CCDC110: variants seen among roughly 807,000 people sequenced by gnomAD.
The protein encoded by CCDC110 is coiled-coil domain containing 110.
Under a neutral mutation model 77.1 loss-of-function variants are expected in CCDC110, and 70 were observed. The observed-to-expected ratio is 0.91, with a 90% CI of 0.75 to 1.11. The LOEUF (loss-of-function observed/expected upper bound fraction) is 1.11. Ranked by LOEUF, CCDC110 falls within the 50% of genes least tolerant of loss-of-function variation. CCDC110 has a pLI of 0.00. For synonymous variants in CCDC110, 295 were observed against 312.5 expected (o/e 0.94, Z 0.59); for missense variants, 868 against 942.9 (o/e 0.92, Z 1.04).
chr4:185,459,304 A>T lies in CCDC110; in HGVS notation c.1283T>A (p.Ile428Asn). The change falls in exon 6 of 7, where the codon ATT (isoleucine) becomes AAT (asparagine). Residue 428 changes from isoleucine (I) to asparagine (N), a missense_variant. Ile to Asn is a moderately radical substitution (Grantham distance 149). Coordinates refer to ENST00000307588, the MANE Select transcript of CCDC110 (RefSeq NM_152775.4). ...TTTTAGGTAATTCTGTAAGTACTGA[A>T]TTTTTGCAACACACTGCTCAGTAAC... is the stretch of plus-strand genomic sequence containing the variant. ...NSVTEQCVAK[I>N]QYLQNYLKES... The T allele has an allele frequency of 6.2e-7, 1 of 1,613,060 alleles. No individual in the cohort carries two copies. The highest frequency in any genetic ancestry group is 8.5e-7 in the Non-Finnish European group (1 of 1,179,404).
intron 1 of CCDC110, 137 bp from the exon 2 acceptor site, chr4:185,471,186 CTGAAGG>C: frequency 6.3e-5 from 1 of 15,848 alleles, no homozygotes. Flanking sequence ...GGGGGCGGGG[CTGAAGG>C]CTGGGGCGGG....
chr4:185,449,729 T>C, intron 6 of CCDC110: 1 of 927,162 alleles, frequency 1.1e-6, no homozygotes, highest in East Asian at 2.9e-5. Flanking sequence ...TATAAGATGT[T>C]ATGGAGCAGA....
chr4:185,459,677 T>A lies in CCDC110; in HGVS notation c.910A>T (p.Asn304Tyr). Reference sequence around the variant, plus strand: ...ATTCTCTTTGATTTTATATCTTCATTTAAGTTACCGTCCAAGTTTTCTTCC... The same window carrying A: ...ATTCTCTTTGATTTTATATCTTCATATAAGTTACCGTCCAAGTTTTCTTCC... The part of the protein sequence containing the change: ...IKEENLDGNL[N>Y]EDIKSKRISE... The change falls in exon 6 of 7, where the codon AAT becomes TAT. Residue 304 changes from asparagine to tyrosine, a missense_variant. Coordinates refer to ENST00000307588, the MANE Select transcript of CCDC110 (RefSeq NM_152775.4). 1 of 1,612,198 alleles carries A rather than the reference T, an allele frequency of 6.2e-7. No homozygotes were observed.
At chr4:185,455,712 G>A (rs1015849381) in intron 6 of CCDC110, among the ~76,000 whole-genome samples, 11 of 151,942 alleles carry the variant, frequency 7.2e-5, no homozygotes, top group African/African-American at 2.2e-4. Context: ...GTGAAACCCC[G>A]TCTTTACTAA....
chr4:185,467,916 G>A (rs1561170875), intron 2 of CCDC110, among the ~76,000 whole-genome samples: 1 of 152,274 alleles, frequency 6.6e-6, no homozygotes, highest in East Asian at 1.9e-4. Flanking sequence ...CTACAGGCAT[G>A]TGCCAGCACA....
chr4:185,460,816 G>T (rs1037500258), intron 5 of CCDC110: 14 of 421,750 alleles, frequency 3.3e-5, no homozygotes, highest in Non-Finnish European at 5.5e-5. Context: ...AATCTTTCAC[G>T]ATCTGGACTA....
intron 1 of CCDC110, 172 bp downstream of exon 1, chr4:185,471,502 G>C (rs1308620529): frequency 3.1e-6 from 2 of 647,254 alleles, no homozygotes; most frequent in Non-Finnish European, 5.0e-6. Context: ...GCGGACGCAG[G>C]GGGCCGCAGC....
chr4:185,452,158 A>G lies in CCDC110; in HGVS notation c.2461+5968T>C, dbSNP rs564416738. The stretch of plus-strand genomic sequence containing the variant: ...TTCTTTTAACTTTGAAAATGTAACA[A>G]TACAAAACAGTTTTATTCCTCAGAC... On this transcript the variant is annotated intron_variant, in intron 6 of 6. Coordinates refer to ENST00000307588, the MANE Select transcript of CCDC110 (RefSeq NM_152775.4). 7.2e-6 allele frequency: 7 copies of G among 975,884 alleles called. No homozygotes were observed. In the African/African-American group the frequency reaches 1.1e-4, roughly 15 times the overall value. 60.5% of individuals were successfully genotyped at this position (975,884 alleles called of 1,614,324 possible).
Position 185,468,410 on chromosome 4 carries a change from C to A in CCDC110, c.115+2535G>T, listed in dbSNP as rs535883346. Among the ~76,000 whole-genome samples the A allele has an allele frequency of 1.3e-5, 2 of 152,142 alleles. No homozygotes were observed. The highest frequency in any genetic ancestry group is 4.8e-5 in the African/African-American group (2 of 41,422). On this transcript the variant is annotated intron_variant, in intron 2 of 6. Transcript: ENST00000307588. The surrounding 1 kb of genome is among the most constrained non-coding windows in gnomAD (Gnocchi z 4.5). ...GTAAATTCAAAATTTCTAGTCAAGACGGAGGGGAGAGAAGCCTTCTCAAAA... is the reference window on the plus strand; with the variant it reads ...GTAAATTCAAAATTTCTAGTCAAGAAGGAGGGGAGAGAAGCCTTCTCAAAA...
Position 185,470,943 on chromosome 4 carries a change from A to T in CCDC110, c.115+2T>A. 1 of 1,603,324 alleles carries T rather than the reference A, an allele frequency of 6.2e-7. No individual in the cohort carries two copies. Among genetic ancestry groups the T allele is most frequent in the Non-Finnish European group, 8.5e-7 (1 of 1,171,590 alleles). On this transcript the variant is annotated splice_donor_variant, in intron 2 of 6. Transcript: ENST00000307588. LOFTEE classifies it high-confidence loss of function. ...GAGCCTTTTACGGTCTGGCGATTTT[A>T]CCTGTGTCACTGCAGCCACTTTCCT...
rs2153320385 is a variant in CCDC110 at position 185,458,319 on chromosome 4, T to G, written c.2268A>C (p.Glu756Asp). The G allele has an allele frequency of 6.3e-7, 1 of 1,592,494 alleles. No homozygotes were observed. The highest frequency in any genetic ancestry group is 2.2e-5 in the East Asian group (1 of 44,564). Residue 756 changes from glutamate (E) to aspartate (D), a missense_variant, in exon 6 of 7, where the codon GAA becomes GAC. By Grantham distance (45) the Glu-to-Asp change is conservative. Transcript: ENST00000307588. Reference sequence around the variant, plus strand: ...GCATCTCAAATTCCAAGGTATCCCTTTCATTTTCTATGCTTCTTACGTAAT... The same window carrying G: ...GCATCTCAAATTCCAAGGTATCCCTGTCATTTTCTATGCTTCTTACGTAAT... ...LENYVRSIEN[E>D]RDTLEFEMRH...
At chr4:185,453,784 G>A (rs904825758) in intron 6 of CCDC110, among the ~76,000 whole-genome samples, 1 of 150,200 alleles carries the variant, frequency 6.7e-6, no homozygotes, top group East Asian at 2.0e-4. Context: ...AGGCTCAAAC[G>A]ATCCTCCCAC....
chr4:185,466,444 C>T (rs931642166), intron 2 of CCDC110, among the ~76,000 whole-genome samples: 5 of 152,176 alleles, frequency 3.3e-5, no homozygotes, highest in African/African-American at 4.8e-5. Flanking sequence ...CATAGAAGCC[C>T]GAACGAAGTG....
Position 185,459,771 on chromosome 4 carries a change from A to T in CCDC110, c.816T>A (p.Asp272Glu). 1 of 1,613,712 alleles carries T rather than the reference A, an allele frequency of 6.2e-7. No individual in the cohort carries two copies. The highest frequency in any genetic ancestry group is 8.5e-7 in the Non-Finnish European group (1 of 1,179,910). ...LTNELQTLQTDPDVHRNGKYD... is the reference protein window; with the variant it reads ...LTNELQTLQTEPDVHRNGKYD... The stretch of plus-strand genomic sequence containing the variant: ...ATTTACCATTCCTGTGAACATCTGG[A>T]TCAGTTTGTAAAGTCTGAAGTTCAT... The change falls in exon 6 of 7, where the codon GAT becomes GAA. Residue 272 changes from aspartate to glutamate, a missense_variant. Asp to Glu is a conservative substitution (Grantham distance 45). Coordinates refer to ENST00000307588, the MANE Select transcript of CCDC110 (RefSeq NM_152775.4).
At chr4:185,463,146 G>T in intron 2 of CCDC110, 97 bp from the exon 3 acceptor site, 1 of 828,908 alleles carries the variant, frequency 1.2e-6, no homozygotes, top group Non-Finnish European at 2.0e-6. Flanking sequence ...CTTGGATAGT[G>T]AGGCAGAGAT....
intron 1 of CCDC110, 81 bp downstream of exon 1, chr4:185,471,592 CG>C: frequency 6.9e-7 from 1 of 1,458,874 alleles, no homozygotes; most frequent in Non-Finnish European, 9.3e-7. Context: ...GGTTTTCGAG[CG>C]GGGAGCCGCC....
intron 4 of CCDC110, 109 bp from the exon 5 acceptor site, chr4:185,461,268 A>G (rs1010685370): frequency 3.5e-6 from 2 of 567,340 alleles, no homozygotes; most frequent in Non-Finnish European, 6.2e-6. Context: ...CCTGCCCATA[A>G]ACAGTCTTTC....
intron 4 of CCDC110, 85 bp downstream of exon 4, chr4:185,462,558 A>G: frequency 2.0e-6 from 2 of 1,009,930 alleles, no homozygotes; most frequent in Middle Eastern, 2.1e-4. Flanking sequence ...GTGTCAGCTA[A>G]TCCATTGGCT....
rs552613849 is a variant in CCDC110, at chr4:185,468,320, C to T, written c.115+2625G>A. ...CCCTTACTGAGGTGTACGAGGTGTA[C>T]GGCACATAGTGAATGCTCAAGAGAC... On this transcript the variant is annotated intron_variant, in intron 2 of 6. Transcript: ENST00000307588. This position sits in a 1 kb window ranked among gnomAD's most constrained non-coding sequence, Gnocchi z 4.5. Among the ~76,000 whole-genome samples, 7 of 152,278 alleles carry T rather than the reference C, an allele frequency of 4.6e-5. No individual in the cohort carries two copies. The highest frequency in any genetic ancestry group is 3.9e-4 in the East Asian group (2 of 5,184).
Sources: allele counts gnomAD v4.1 joint callset (sites outside exome capture counted in the v4.1 genomes callset), GRCh38; gene constraint gnomAD v4.1.1; non-coding constraint Gnocchi (gnomAD v3.1); transcripts MANE v1.5; gene names NCBI Gene and HGNC (gene_info 2026-07-23, HGNC 2026-07-21).